The following RBFOX1 variants were observed in gnomAD, a reference collection of about 807,000 sequenced individuals.
The protein encoded by RBFOX1 is RNA binding fox-1 homolog 1.
RBFOX1 carries 8 observed loss-of-function variants against 57.7 expected under a neutral mutation model. The ratio of observed to expected loss-of-function variants is 0.14; its 90% CI spans 0.08 to 0.25. RBFOX1 has a LOEUF of 0.25. Ranked by LOEUF, RBFOX1 falls within the 10% of genes least tolerant of loss-of-function variation. RBFOX1 has a pLI of 1.00. For synonymous variants in RBFOX1, 326 were observed against 222.4 expected (o/e 1.47, Z -4.15); for missense variants, 611 against 548.5 (o/e 1.11, Z -1.14).
intron 4 of RBFOX1, among the ~76,000 whole-genome samples, chr16:7,080,627 G>A (rs976062959): frequency 6.6e-6 from 1 of 151,936 alleles, no homozygotes; most frequent in Non-Finnish European, 1.5e-5. Context: ...GTTCTCTTGG[G>A]GTACACTCAC....
In RBFOX1 at chr16:5,285,635, C is replaced by A. The variant is rs1169726559; in HGVS notation, c.219+45530C>A. On this transcript the variant is annotated intron_variant, in intron 1 of 2. Transcript: ENST00000585867. ...GAAAGACCTTTTCTTATAGCTGTAT[C>A]TACAATGTTCATTGGATATCACACT... 2.6e-5 allele frequency among the ~76,000 whole-genome samples: 4 copies of A among 152,294 alleles called. No individual in the cohort carries two copies. The East Asian group carries it at 7.7e-4, about 29-fold the overall frequency.
At chr16:5,548,174 A>ATATATATATATAT (rs1282445806) in intron 2 of RBFOX1, among the ~76,000 whole-genome samples, 81 of 33,488 alleles carry the variant, frequency 2.4e-3, no homozygotes, top group Middle Eastern at 0.026. Context: ...AAAAAAAAAA[A>ATATATATATATAT]ATATATATAT....
At chr16:5,538,220 T>A (rs2044778194) in intron 2 of RBFOX1, among the ~76,000 whole-genome samples, 1 of 152,228 alleles carries the variant, frequency 6.6e-6, no homozygotes, top group Non-Finnish European at 1.5e-5. Context: ...CAGATCAATA[T>A]GGATTCAAAT....
chr16:5,327,330 G>T (rs573121955), intron 1 of RBFOX1, among the ~76,000 whole-genome samples: 23 of 152,296 alleles, frequency 1.5e-4, no homozygotes, highest in African/African-American at 5.5e-4. Flanking sequence ...TGGGGAATCT[G>T]TGTAGCCCAC....
chr16:7,074,840 G>C (rs1471137281), intron 4 of RBFOX1, among the ~76,000 whole-genome samples: 1 of 152,116 alleles, frequency 6.6e-6, no homozygotes, highest in Non-Finnish European at 1.5e-5. Flanking sequence ...ATCTATATTT[G>C]TCTATTGCGC....
At chr16:6,603,244 C>T (rs900231573) in intron 2 of RBFOX1, among the ~76,000 whole-genome samples, 1 of 152,116 alleles carries the variant, frequency 6.6e-6, no homozygotes, top group Non-Finnish European at 1.5e-5. Flanking sequence ...AGAACTCAGT[C>T]ATCTAAAGGA....
chr16:5,965,484 GTGGCATGCTTCAA>G (rs1384697869), intron 4 of RBFOX1, among the ~76,000 whole-genome samples: 2 of 152,102 alleles, frequency 1.3e-5, no homozygotes, highest in Admixed American at 6.6e-5. Flanking sequence ...CAAGCTGTAA[GTGGCATGCTTCAA>G]CTCAGGCAGA....
chr16:6,494,951 T>A (rs1448721285), intron 2 of RBFOX1, among the ~76,000 whole-genome samples: 1 of 152,166 alleles, frequency 6.6e-6, no homozygotes, highest in Non-Finnish European at 1.5e-5. Flanking sequence ...CAGAGCAGCC[T>A]TATGAAGTAT....
intron 4 of RBFOX1, among the ~76,000 whole-genome samples, chr16:7,110,279 G>T (rs149338420): frequency 6.6e-6 from 1 of 151,830 alleles, no homozygotes; most frequent in East Asian, 1.9e-4. Context: ...AAGGATCCCC[G>T]GAACCTAGGA....
At chr16:6,076,642 A>C (rs2095905941) in intron 1 of RBFOX1, among the ~76,000 whole-genome samples, 3 of 124,170 alleles carry the variant, frequency 2.4e-5, no homozygotes, top group African/African-American at 7.8e-5. Flanking sequence ...AAATCTATAA[A>C]ATTTTTTGTT....
intron 10 of RBFOX1, among the ~76,000 whole-genome samples, chr16:7,612,645 C>G (rs936089392): frequency 6.6e-5 from 10 of 151,876 alleles, no homozygotes; most frequent in Non-Finnish European, 1.5e-4. Context: ...GCAGTATCTT[C>G]TAGAGATAAT....
chr16:7,081,547 T>C (rs11077133), intron 4 of RBFOX1, among the ~76,000 whole-genome samples: 105,980 of 152,014 alleles, frequency 0.7, 37,810 homozygotes, highest in East Asian at 0.91. Context: ...ATGAGAGTAG[T>C]GGGAGTTTTT....
chr16:5,590,628 C>T (rs1381169793), intron 2 of RBFOX1, among the ~76,000 whole-genome samples: 1 of 152,148 alleles, frequency 6.6e-6, no homozygotes, highest in Non-Finnish European at 1.5e-5. Flanking sequence ...CAAATTCACT[C>T]CCAGATCGGG....
intron 3 of RBFOX1, among the ~76,000 whole-genome samples, chr16:6,671,438 A>G (rs1455215010): frequency 6.6e-6 from 1 of 152,214 alleles, no homozygotes; most frequent in Non-Finnish European, 1.5e-5. Context: ...TTCAAACATC[A>G]TTTTATTAAT....
At chr16:6,055,739 A>G (rs1233984947) in intron 1 of RBFOX1, among the ~76,000 whole-genome samples, 1 of 152,178 alleles carries the variant, frequency 6.6e-6, no homozygotes, top group Non-Finnish European at 1.5e-5. Context: ...GCGATCACCC[A>G]GCACAAAGCT....
intron 4 of RBFOX1, among the ~76,000 whole-genome samples, chr16:5,953,446 C>T (rs907658964): frequency 6.6e-6 from 1 of 152,022 alleles, no homozygotes; most frequent in African/African-American, 2.4e-5. Flanking sequence ...ATCACCTGAG[C>T]ACTGTACGCT....
chr16:7,142,429 C>A (rs368773802), intron 4 of RBFOX1, among the ~76,000 whole-genome samples: 17 of 152,270 alleles, frequency 1.1e-4, no homozygotes, highest in African/African-American at 4.1e-4. Flanking sequence ...ACTCTTCCAT[C>A]AGCCCCTGTA....
intron 1 of RBFOX1, among the ~76,000 whole-genome samples, chr16:5,305,928 C>G (rs539307146): frequency 6.6e-6 from 1 of 152,034 alleles, no homozygotes; most frequent in Admixed American, 6.6e-5. Context: ...GTGTGGCACA[C>G]GTCTGTAGTC....
At chr16:6,557,150 C>CAT (rs1567673161) in intron 2 of RBFOX1, among the ~76,000 whole-genome samples, 122 of 144,568 alleles carry the variant, frequency 8.4e-4, no homozygotes, top group Middle Eastern at 3.6e-3. Flanking sequence ...CATATATACA[C>CAT]ACATATATAT....
Sources: gnomAD v4.1 joint callset for allele counts (sites outside exome capture counted in the v4.1 genomes callset) on GRCh38, gnomAD v4.1.1 for gene constraint, MANE v1.5 for transcripts, NCBI Gene and HGNC (gene_info 2026-07-23, HGNC 2026-07-21) for gene names.